HS3ST5: variants seen among roughly 807,000 people sequenced by gnomAD.
HS3ST5 encodes heparan sulfate-glucosamine 3-sulfotransferase 5, also known as heparan sulfate glucosamine 3-O-sulfotransferase 5.
HS3ST5 carries 10 observed loss-of-function variants against 25.4 expected under a neutral mutation model. The ratio of observed to expected loss-of-function variants is 0.39; its 90% CI spans 0.24 to 0.67. The LOEUF is 0.67. HS3ST5 is among the 30% of genes least tolerant of loss of function. The probability of loss-of-function intolerance (pLI) is 0.44; values close to 1 mark genes in which losing one functional copy is unlikely to be tolerated. For synonymous variants in HS3ST5, 170 were observed against 162.4 expected, an observed-to-expected ratio of 1.05 and a Z score of -0.36; for missense variants, 324 against 420.7, an observed-to-expected ratio of 0.77 and a Z score of 2.01.
chr6:114,094,930 T>G (rs1390271863), intron 3 of HS3ST5, among the ~76,000 whole-genome samples: 1 of 152,132 alleles, frequency 6.6e-6, no homozygotes, highest in African/African-American at 2.4e-5. Flanking sequence ...TCATGAACCT[T>G]CAGCTGCTAG....
chr6:114,161,878 C>T (rs990896791), intron 3 of HS3ST5, among the ~76,000 whole-genome samples: 6 of 151,358 alleles, frequency 4.0e-5, no homozygotes, highest in Admixed American at 1.3e-4. Flanking sequence ...ACACAAAAAC[C>T]CCCAAGTTAC....
chr6:114,222,909 T>TTGTA (rs1254348034), intron 2 of HS3ST5, among the ~76,000 whole-genome samples: 1 of 151,832 alleles, frequency 6.6e-6, no homozygotes, highest in African/African-American at 2.4e-5. Context: ...AAGATTATTC[T>TTGTA]TGTATCAGCA....
intron 1 of HS3ST5, among the ~76,000 whole-genome samples, chr6:114,286,099 CT>C (rs1358321064): frequency 6.6e-6 from 1 of 151,772 alleles, no homozygotes; most frequent in African/African-American, 2.4e-5. Flanking sequence ...CCGGTGTCTA[CT>C]TTTCAATAAA....
rs891340025 is a variant in HS3ST5, at chr6:114,238,482, A to AT, written c.-338-9705dup. 3.8e-4 allele frequency among the ~76,000 whole-genome samples: 58 copies of AT among 151,840 alleles called. 3 individuals carry two copies. The East Asian group carries it at 8.3e-3, about 22-fold the overall frequency. ...ATATTTTTTGTGTGTCTTTAAAAAG[A>AT]TTTTTTTTTGTTATAGTTTCAGGAT... On this transcript the variant is annotated intron_variant, in intron 1 of 4. Transcript: ENST00000312719.
At chr6:114,154,169 T>C (rs1778589372) in intron 3 of HS3ST5, among the ~76,000 whole-genome samples, 1 of 152,178 alleles carries the variant, frequency 6.6e-6, no homozygotes, top group Non-Finnish European at 1.5e-5. Context: ...CAAGGTTATG[T>C]CTGGAATGGT....
intron 3 of HS3ST5, among the ~76,000 whole-genome samples, chr6:114,086,875 G>A (rs1774866521): frequency 6.6e-6 from 1 of 152,154 alleles, no homozygotes; most frequent in Admixed American, 6.5e-5. Flanking sequence ...GTTTGCTATT[G>A]GCAAGCAAAG....
At chr6:114,303,060 A>G (rs1050516021) in intron 1 of HS3ST5, among the ~76,000 whole-genome samples, 18 of 152,292 alleles carry the variant, frequency 1.2e-4, no homozygotes, top group Middle Eastern at 3.4e-3. Context: ...ACTTTTTAAA[A>G]TCCATGACGG....
intron 4 of HS3ST5, chr6:114,059,322 T>G (rs1402831113): frequency 6.6e-6 from 1 of 152,234 alleles, no homozygotes; most frequent in Admixed American, 6.5e-5. Context: ...TTAAACCAAT[T>G]CTTACACTTG....
At chr6:114,212,893 G>A (rs972021759) in intron 2 of HS3ST5, among the ~76,000 whole-genome samples, 2 of 152,154 alleles carry the variant, frequency 1.3e-5, no homozygotes, top group Non-Finnish European at 2.9e-5. Flanking sequence ...GTGGATGCAG[G>A]GGCTAGGTCG....
chr6:114,106,092 G>A (rs1247694482), intron 3 of HS3ST5, among the ~76,000 whole-genome samples: 4 of 152,186 alleles, frequency 2.6e-5, no homozygotes, highest in Non-Finnish European at 1.5e-5. Context: ...TATATTGCCT[G>A]TGGGAAAACA....
chr6:114,255,298 C>T (rs1198282340), intron 1 of HS3ST5, among the ~76,000 whole-genome samples: 1 of 152,214 alleles, frequency 6.6e-6, no homozygotes, highest in African/African-American at 2.4e-5. Context: ...TAAGAGGTGG[C>T]TTCCTATGGT....
intron 1 of HS3ST5, among the ~76,000 whole-genome samples, chr6:114,286,661 T>C (rs1774352690): frequency 6.6e-6 from 1 of 152,030 alleles, no homozygotes; most frequent in Non-Finnish European, 1.5e-5. Flanking sequence ...TTTTACAAAC[T>C]AGCATTGAAT....
chr6:114,150,496 G>A (rs1778397750), intron 3 of HS3ST5, among the ~76,000 whole-genome samples: 1 of 152,152 alleles, frequency 6.6e-6, no homozygotes, highest in South Asian at 2.1e-4. Context: ...TAGTACAAGT[G>A]CCCTTTACAG....
intron 3 of HS3ST5, among the ~76,000 whole-genome samples, chr6:114,070,113 C>G (rs986445621): frequency 6.6e-6 from 1 of 152,154 alleles, no homozygotes; most frequent in South Asian, 2.1e-4. Context: ...TTACCCCGAC[C>G]CAGTCCCCAA....
At chr6:114,185,151 A>G (rs139253917) in intron 2 of HS3ST5, among the ~76,000 whole-genome samples, 120 of 152,310 alleles carry the variant, frequency 7.9e-4, no homozygotes, top group African/African-American at 2.7e-3. Context: ...TGTATTTTGT[A>G]TATGAAATAG....
intron 1 of HS3ST5, among the ~76,000 whole-genome samples, chr6:114,287,555 T>C (rs543863079): frequency 4.9e-4 from 75 of 152,208 alleles, no homozygotes; most frequent in African/African-American, 1.8e-3. Context: ...TGTAACATAT[T>C]ACAAATATCT....
chr6:114,171,952 T>C (rs1424752233), intron 2 of HS3ST5, among the ~76,000 whole-genome samples: 1 of 152,198 alleles, frequency 6.6e-6, no homozygotes, highest in Non-Finnish European at 1.5e-5. Context: ...AATATTAATA[T>C]ATGCAGAATT....
intron 2 of HS3ST5, among the ~76,000 whole-genome samples, chr6:114,224,445 A>G (rs1782192116): frequency 6.6e-6 from 1 of 151,304 alleles, no homozygotes; most frequent in Non-Finnish European, 1.5e-5. Context: ...CATAACCTTG[A>G]TAATTTATCT....
intron 1 of HS3ST5, among the ~76,000 whole-genome samples, chr6:114,323,483 T>A (rs1170636996): frequency 6.6e-6 from 1 of 152,116 alleles, no homozygotes; most frequent in African/African-American, 2.4e-5. Flanking sequence ...GCAGGGATCA[T>A]GAAATTTTGG....
Sources: allele counts gnomAD v4.1 joint callset (sites outside exome capture counted in the v4.1 genomes callset), GRCh38; gene constraint gnomAD v4.1.1; transcripts MANE v1.5; gene names NCBI Gene and HGNC (gene_info 2026-07-23, HGNC 2026-07-21).